Variants in CTNND2 observed in about 807,000 individuals in gnomAD.
CTNND2 encodes catenin delta 2.
CTNND2 carries 22 observed loss-of-function variants against 144.4 expected under a neutral mutation model. The observed-to-expected ratio is 0.15, with a 90% confidence interval of 0.11 to 0.22. The LOEUF is 0.22. Among genes scored for constraint, CTNND2 ranks in the 10% least tolerant of loss-of-function variants. The pLI is 1.00. For synonymous variants in CTNND2, 751 were observed against 695.6 expected, an observed-to-expected ratio of 1.08 and a Z score of -1.25; for missense variants, 1,353 against 1,618.8, an observed-to-expected ratio of 0.84 and a Z score of 2.82.
intron 11 of CTNND2, among the ~76,000 whole-genome samples, chr5:11,196,495 C>T (rs1204106123): frequency 5.3e-5 from 8 of 152,160 alleles, no homozygotes; most frequent in South Asian, 4.1e-4. Flanking sequence ...ATTAGATCCA[C>T]GGGAGAATTG....
At chr5:11,003,338 A>G (rs1740154303) in intron 18 of CTNND2, among the ~76,000 whole-genome samples, 1 of 152,218 alleles carries the variant, frequency 6.6e-6, no homozygotes, top group African/African-American at 2.4e-5. Context: ...CCTATTTTTC[A>G]GATGAAAGTC....
At position 11,075,335 on chromosome 5, in the gene CTNND2, A is replaced by G. The variant is rs577948447; in HGVS notation, c.2788+7361T>C. Among the ~76,000 whole-genome samples, 61 of 152,352 alleles carry G rather than the reference A, an allele frequency of 4.0e-4. No individual in the cohort carries two copies. The South Asian group carries it at 7.7e-3, about 19-fold the overall frequency. On this transcript the variant is annotated intron_variant, in intron 16 of 21. Coordinates refer to ENST00000304623, the MANE Select transcript of CTNND2 (RefSeq NM_001332.4). ...CTCAGCTAGTTGGTAAAGTGAAAAG[A>G]AAGCCCAGCGTGAAAAGTGGATTAT...
intron 2 of CTNND2, among the ~76,000 whole-genome samples, chr5:11,692,735 G>A (rs983261528): frequency 3.9e-5 from 6 of 152,228 alleles, no homozygotes; most frequent in Admixed American, 3.9e-4. Context: ...CTGAGTAGCT[G>A]CAATTTCAGG....
chr5:11,590,527 T>A (rs1779167129), intron 2 of CTNND2, among the ~76,000 whole-genome samples: 1 of 152,014 alleles, frequency 6.6e-6, no homozygotes, highest in South Asian at 2.1e-4. Context: ...GCCCTTGTGA[T>A]AATGTACTTT....
At chr5:11,655,072 A>C (rs1028682885) in intron 2 of CTNND2, among the ~76,000 whole-genome samples, 19 of 152,108 alleles carry the variant, frequency 1.2e-4, no homozygotes, top group Admixed American at 6.6e-4. Flanking sequence ...TTTATCAGTC[A>C]GTTATACTGG....
At chr5:11,732,563 A>G (rs1335132950) in intron 1 of CTNND2, among the ~76,000 whole-genome samples, 1 of 152,220 alleles carries the variant, frequency 6.6e-6, no homozygotes, top group African/African-American at 2.4e-5. Flanking sequence ...AAAAAGAAGG[A>G]GAGACTATAA....
intron 9 of CTNND2, among the ~76,000 whole-genome samples, chr5:11,249,795 A>G (rs968180049): frequency 6.6e-6 from 1 of 152,094 alleles, no homozygotes; most frequent in African/African-American, 2.4e-5. Context: ...CAAACAAAAA[A>G]AAAACCAAAA....
intron 2 of CTNND2, among the ~76,000 whole-genome samples, chr5:11,633,754 T>TG (rs1258944034): frequency 6.9e-6 from 1 of 145,100 alleles, no homozygotes; most frequent in Admixed American, 7.0e-5. Context: ...CCAGTCTGGG[T>TG]GACAGAATGA....
At chr5:11,581,117 G>A (rs1434972606) in intron 2 of CTNND2, among the ~76,000 whole-genome samples, 2 of 152,066 alleles carry the variant, frequency 1.3e-5, no homozygotes, top group South Asian at 2.1e-4. Flanking sequence ...TGAAATAGCT[G>A]CTTTATAGGA....
chr5:11,701,701 C>T (rs1252681620), intron 2 of CTNND2, among the ~76,000 whole-genome samples: 1 of 9,894 alleles, frequency 1.0e-4, no homozygotes, highest in Non-Finnish European at 1.8e-4. Flanking sequence ...TGGAATACTC[C>T]TTAATATAAG....
chr5:11,543,160 A>G (rs1216830639), intron 3 of CTNND2, among the ~76,000 whole-genome samples: 1 of 152,230 alleles, frequency 6.6e-6, no homozygotes, highest in Non-Finnish European at 1.5e-5. Flanking sequence ...TTCAAGGGCA[A>G]CCAATATGGG....
intron 11 of CTNND2, among the ~76,000 whole-genome samples, chr5:11,191,824 G>A (rs530370786): frequency 2.6e-5 from 4 of 152,302 alleles, no homozygotes; most frequent in South Asian, 2.1e-4. Context: ...TGCAGCCAGC[G>A]AGAGGCAAAA....
intron 1 of CTNND2, among the ~76,000 whole-genome samples, chr5:11,777,984 G>A (rs1790345494): frequency 6.6e-6 from 1 of 152,110 alleles, no homozygotes; most frequent in Admixed American, 6.5e-5. Flanking sequence ...TCTTAAGCAT[G>A]TACTGTGTGC....
intron 2 of CTNND2, among the ~76,000 whole-genome samples, chr5:11,568,298 T>C (rs1777283595): frequency 6.6e-6 from 1 of 152,210 alleles, no homozygotes; most frequent in Non-Finnish European, 1.5e-5. Flanking sequence ...CCCTGGACTC[T>C]CAGCACTGTC....
intron 10 of CTNND2, among the ~76,000 whole-genome samples, chr5:11,203,204 A>C (rs1462322588): frequency 6.6e-6 from 1 of 152,222 alleles, no homozygotes; most frequent in East Asian, 1.9e-4. Flanking sequence ...TTAAACACTT[A>C]AAATGTACAA....
intron 9 of CTNND2, among the ~76,000 whole-genome samples, chr5:11,333,265 C>CT (rs772832850): frequency 2.0e-4 from 30 of 151,792 alleles, no homozygotes; most frequent in Middle Eastern, 3.4e-3. Context: ...CTATTCTTTT[C>CT]TTTTTTTTGT....
intron 3 of CTNND2, among the ~76,000 whole-genome samples, chr5:11,521,973 G>C (rs1772766329): frequency 6.6e-6 from 1 of 152,080 alleles, no homozygotes; most frequent in Non-Finnish European, 1.5e-5. Flanking sequence ...AACCTATATA[G>C]TCTATCCAGC....
chr5:11,628,562 C>A (rs559513689), intron 2 of CTNND2, among the ~76,000 whole-genome samples: 6 of 152,302 alleles, frequency 3.9e-5, no homozygotes, highest in Non-Finnish European at 8.8e-5. Flanking sequence ...CAGTTAATCA[C>A]TGCTTCCAAC....
intron 1 of CTNND2, among the ~76,000 whole-genome samples, chr5:11,772,034 C>T (rs920497883): frequency 6.6e-6 from 1 of 152,096 alleles, no homozygotes; most frequent in Admixed American, 6.6e-5. Context: ...GAACATTTTC[C>T]CCCATATCTT....
Sources: gnomAD v4.1 joint callset for allele counts (sites outside exome capture counted in the v4.1 genomes callset) on GRCh38, gnomAD v4.1.1 for gene constraint, MANE v1.5 for transcripts, NCBI Gene and HGNC (gene_info 2026-07-23, HGNC 2026-07-21) for gene names.